The following GPT2 variants were observed in gnomAD, a reference collection of about 807,000 sequenced individuals.
GPT2 encodes the protein glutamic--pyruvic transaminase 2.
Under a neutral mutation model 56.9 loss-of-function variants are expected in GPT2, and 30 were observed. That is an observed-to-expected ratio of 0.53 (90% confidence interval 0.39 to 0.72). The LOEUF (loss-of-function observed/expected upper bound fraction) is 0.72. Ranked by LOEUF, GPT2 falls within the 30% of genes least tolerant of loss-of-function variation. GPT2 has a pLI of 0.00. For missense variants in GPT2, 542 were observed against 703.4 expected, an observed-to-expected ratio of 0.77 and a Z score of 2.60; for synonymous variants, 271 against 283.1, an observed-to-expected ratio of 0.96 and a Z score of 0.43.
intron 2 of GPT2, among the ~76,000 whole-genome samples, chr16:46,886,257 C>G (rs1960481511): frequency 6.6e-6 from 1 of 152,168 alleles, no homozygotes; most frequent in South Asian, 2.1e-4. Flanking sequence ...CTGGAGCTGG[C>G]CCTCCTTGAC....
chr16:46,907,181 C>T (rs761416561), intron 5 of GPT2, among the ~76,000 whole-genome samples: 7 of 152,162 alleles, frequency 4.6e-5, no homozygotes, highest in South Asian at 2.1e-4. Flanking sequence ...GATTTCTGTC[C>T]GGAGTGCACA....
chr16:46,921,148 C>A (rs1961278433), intron 8 of GPT2, among the ~76,000 whole-genome samples: 1 of 152,100 alleles, frequency 6.6e-6, no homozygotes, highest in Admixed American at 6.6e-5. Flanking sequence ...CAGTGTGATC[C>A]CAAAAGCATG....
chr16:46,885,464 T>A lies in GPT2; in HGVS notation c.243+506T>A, dbSNP rs1960465648. 6 of 985,176 alleles carry A rather than the reference T, an allele frequency of 6.1e-6. No individual in the cohort carries two copies. In the South Asian group the frequency reaches 2.3e-4, roughly 39 times the overall value. The allele number at this position is 985,176 out of a possible 1,614,324, so 61.0% of individuals were successfully genotyped here. A position where few individuals can be genotyped will look rare whatever the true frequency, so the allele number is the denominator to read the frequency against. ...TCTCTTTCTCCGTGTCTTTGGCCTT[T>A]AGGGTCTTTGCCAATCCTGATTCCC... On this transcript the variant is annotated intron_variant, in intron 2 of 11. Coordinates refer to ENST00000340124, the MANE Select transcript of GPT2 (RefSeq NM_133443.4).
intron 8 of GPT2, among the ~76,000 whole-genome samples, chr16:46,920,883 A>G (rs1318634962): frequency 1.3e-5 from 2 of 151,840 alleles, no homozygotes; most frequent in African/African-American, 4.8e-5. Flanking sequence ...GCCCCATCTC[A>G]GTTATTGATT....
chr16:46,903,364 A>C (rs1378602799), intron 4 of GPT2, among the ~76,000 whole-genome samples: 1 of 151,222 alleles, frequency 6.6e-6, no homozygotes, highest in Admixed American at 6.6e-5. Context: ...GCTGGAGTGC[A>C]GTGGTGCAAT....
intron 2 of GPT2, among the ~76,000 whole-genome samples, chr16:46,893,412 T>C (rs1170077114): frequency 6.6e-6 from 1 of 152,228 alleles, no homozygotes; most frequent in Non-Finnish European, 1.5e-5. Flanking sequence ...AATACAGGCT[T>C]GAATCACCGT....
intron 2 of GPT2, among the ~76,000 whole-genome samples, chr16:46,888,093 T>G (rs1960519824): frequency 6.6e-6 from 1 of 151,946 alleles, no homozygotes; most frequent in Admixed American, 6.6e-5. Context: ...GGGATGGGGG[T>G]TGGGGATTGG....
chr16:46,911,453 G>A (rs921345183), intron 6 of GPT2, among the ~76,000 whole-genome samples: 30 of 152,206 alleles, frequency 2.0e-4, no homozygotes, highest in Non-Finnish European at 4.0e-4. Context: ...TGCAGCTGGC[G>A]ATACCACTGG....
intron 3 of GPT2, among the ~76,000 whole-genome samples, chr16:46,898,990 A>ATG (rs1259174923): frequency 2.3e-5 from 2 of 85,940 alleles, no homozygotes; most frequent in Non-Finnish European, 4.9e-5. Context: ...ATATATATAT[A>ATG]TAACACACAT....
At chr16:46,901,012 C>T (rs751636364) in intron 4 of GPT2, among the ~76,000 whole-genome samples, 25 of 152,180 alleles carry the variant, frequency 1.6e-4, no homozygotes, top group Non-Finnish European at 3.7e-4. Context: ...GGTGCAAGTG[C>T]CTGCATCATG....
At position 46,906,990 on chromosome 16, in the gene GPT2, G is replaced by T. The variant is rs996943636; in HGVS notation, c.576+15G>T. ...ACGGCATTTCTGTACGTGTGAGGGTGGCTCGTTGTTATCCGGTGTTTACCC... is the reference window on the plus strand; with the variant it reads ...ACGGCATTTCTGTACGTGTGAGGGTTGCTCGTTGTTATCCGGTGTTTACCC... On this transcript the variant is annotated intron_variant, in intron 5 of 11. Coordinates refer to ENST00000340124, the MANE Select transcript of GPT2 (RefSeq NM_133443.4). 6.2e-7 allele frequency: 1 copy of T among 1,614,096 alleles called. No homozygotes were observed. Among genetic ancestry groups the T allele is most frequent in the Middle Eastern group, 1.7e-4 (1 of 6,060 alleles).
At position 46,924,403 on chromosome 16, in the gene GPT2, C is replaced by G. The variant is rs767217716; in HGVS notation, c.1227C>G (p.Val409=). ...TCTCTCATCAGGAGAAGGAGTCGGT[C>G]CTGGGTAATCTGGCCAAAAAAGCAA... The part of the protein sequence containing the change: ...FEQFSREKES[V]LGNLAKKAKL... The change falls in exon 10 of 12, where the codon GTC becomes GTG. Residue 409 remains valine, a synonymous_variant. Coordinates refer to ENST00000340124, the MANE Select transcript of GPT2 (RefSeq NM_133443.4). 3 of 1,614,114 alleles carry G rather than the reference C, an allele frequency of 1.9e-6. No homozygotes were observed. In the African/African-American group the frequency reaches 4.0e-5, roughly 22 times the overall value.
intron 8 of GPT2, 67 bp downstream of exon 8, chr16:46,918,824 G>C (rs1350480044): frequency 6.3e-7 from 1 of 1,581,270 alleles, no homozygotes; most frequent in Non-Finnish European, 8.6e-7. Flanking sequence ...CGGCTCCTCT[G>C]CCCTGCCCCG....
chr16:46,919,304 G>C (rs538801510), intron 8 of GPT2, among the ~76,000 whole-genome samples: 6 of 152,216 alleles, frequency 3.9e-5, no homozygotes, highest in Non-Finnish European at 7.3e-5. Flanking sequence ...TTCTAGTGAG[G>C]GGGGAGAGCT....
intron 3 of GPT2, 37 bp downstream of exon 3, chr16:46,897,774 A>G: frequency 2.5e-6 from 4 of 1,595,750 alleles, no homozygotes; most frequent in Non-Finnish European, 3.4e-6. Context: ...GCAGGAGGGC[A>G]GGGCCCTGGG....
At chr16:46,899,010 T>TAACAC (rs1337440608) in intron 3 of GPT2, among the ~76,000 whole-genome samples, 24 of 2,074 alleles carry the variant, frequency 0.012, no homozygotes, top group Admixed American at 0.022. Context: ...TATATATATA[T>TAACAC]ATATATATAT....
intron 10 of GPT2, among the ~76,000 whole-genome samples, chr16:46,926,381 G>A (rs1174993527): frequency 2.0e-5 from 3 of 151,976 alleles, no homozygotes; most frequent in African/African-American, 4.8e-5. Context: ...CCCAGGAGGC[G>A]GAAGTAGTGG....
chr16:46,885,590 A>G, intron 2 of GPT2: 1 of 974,454 alleles, frequency 1.0e-6, no homozygotes, highest in South Asian at 4.7e-5. Flanking sequence ...GGGGAACCAG[A>G]GAGTTGGGCC....
At chr16:46,920,626 A>G (rs1180733328) in intron 8 of GPT2, among the ~76,000 whole-genome samples, 2 of 152,226 alleles carry the variant, frequency 1.3e-5, no homozygotes, top group Admixed American at 1.3e-4. Flanking sequence ...GGAACAGTGT[A>G]AGCGTGAAGC....
Sources: gnomAD v4.1 joint callset for allele counts (sites outside exome capture counted in the v4.1 genomes callset) on GRCh38, gnomAD v4.1.1 for gene constraint, MANE v1.5 for transcripts, NCBI Gene and HGNC (gene_info 2026-07-23, HGNC 2026-07-21) for gene names.